ESRRG: variants seen among roughly 807,000 people sequenced by gnomAD.
ESRRG encodes the protein estrogen related receptor gamma.
ESRRG carries 13 observed loss-of-function variants against 44.0 expected under a neutral mutation model. That is an observed-to-expected ratio of 0.30 (90% CI 0.19 to 0.47). The LOEUF (loss-of-function observed/expected upper bound fraction) is 0.47. Ranked by LOEUF, ESRRG falls within the 20% of genes least tolerant of loss-of-function variation. ESRRG has a pLI of 1.00. For synonymous variants in ESRRG, 215 were observed against 214.6 expected, an observed-to-expected ratio of 1.00 and a Z score of -0.02; for missense variants, 395 against 580.6, an observed-to-expected ratio of 0.68 and a Z score of 3.29.
chr1:216,538,612 C>T (rs779229467), intron 5 of ESRRG, among the ~76,000 whole-genome samples: 3 of 151,988 alleles, frequency 2.0e-5, no homozygotes, highest in African/African-American at 7.2e-5. Context: ...AGAGAGAAAA[C>T]GCAGCAAATG....
chr1:216,723,642 G>A (rs2086877769), upstream of ESRRG, among the ~76,000 whole-genome samples: 1 of 152,070 alleles, frequency 6.6e-6, no homozygotes, highest in Admixed American at 6.5e-5. Flanking sequence ...AACTGAGAGT[G>A]GGCAGAGAAA....
intron 2 of ESRRG, among the ~76,000 whole-genome samples, chr1:216,850,812 GA>G (rs2095831346): frequency 6.6e-6 from 1 of 151,880 alleles, no homozygotes; most frequent in Admixed American, 6.6e-5. Context: ...TGAATCTATT[GA>G]TGAATCATTT....
At chr1:216,925,584 G>A (rs1049375105) in intron 2 of ESRRG, among the ~76,000 whole-genome samples, 1 of 152,122 alleles carries the variant, frequency 6.6e-6, no homozygotes, top group Non-Finnish European at 1.5e-5. Context: ...TCTGTTTTTG[G>A]GGGGACAGGG....
intron 1 of ESRRG, among the ~76,000 whole-genome samples, chr1:217,017,552 T>A (rs1196805095): frequency 6.6e-6 from 1 of 150,996 alleles, no homozygotes; most frequent in Admixed American, 6.6e-5. Context: ...TTTTGGATTA[T>A]CCTGTTTAAA....
At chr1:217,093,188 T>C (rs2151553518), upstream of ESRRG, among the ~76,000 whole-genome samples, 1 of 152,330 alleles carries the variant, frequency 6.6e-6, no homozygotes, top group East Asian at 1.9e-4. Flanking sequence ...ATCTTGGAGC[T>C]GCTGCTAGTG....
chr1:217,088,052 A>C (rs79083430), intron 1 of ESRRG, among the ~76,000 whole-genome samples: 2 of 106,700 alleles, frequency 1.9e-5, no homozygotes, highest in East Asian at 5.5e-4. Context: ...CTGGACAGGA[A>C]AAAAAAAAAA....
intron 2 of ESRRG, among the ~76,000 whole-genome samples, chr1:216,841,571 G>T (rs1185683607): frequency 6.6e-6 from 1 of 152,156 alleles, no homozygotes; most frequent in Non-Finnish European, 1.5e-5. Flanking sequence ...ACTTTGGAGA[G>T]CTGTTAAGAA....
rs2084511139 is a variant in ESRRG at position 216,714,979 on chromosome 1, G to A, written c.56+8265C>T. 1.0e-5 allele frequency: 6 copies of A among 588,532 alleles called. No homozygotes were observed. The South Asian group carries it at 4.5e-4, about 44-fold the overall frequency. The allele number at this position is 588,532 out of a possible 1,614,324, so 36.5% of individuals were successfully genotyped here. ...TTCCTGACCCTAGGAAAGAATCTCT[G>A]CCTGAGCTTCTGTGCATAAATTGTC... On this transcript the variant is annotated intron_variant, in intron 1 of 6. Transcript: ENST00000408911.
intron 2 of ESRRG, among the ~76,000 whole-genome samples, chr1:216,783,054 T>C (rs2093990832): frequency 6.6e-6 from 1 of 151,800 alleles, no homozygotes; most frequent in Non-Finnish European, 1.5e-5. Context: ...ACTACAACCT[T>C]ACATTCCCAC....
intron 1 of ESRRG, among the ~76,000 whole-genome samples, chr1:217,109,452 G>T (rs2092636412): frequency 6.6e-6 from 1 of 152,082 alleles, no homozygotes; most frequent in Non-Finnish European, 1.5e-5. Flanking sequence ...ATGACCAAAT[G>T]CATTCCCATG....
intron 2 of ESRRG, among the ~76,000 whole-genome samples, chr1:216,907,539 T>C (rs1289460052): frequency 6.6e-6 from 1 of 152,194 alleles, no homozygotes; most frequent in African/African-American, 2.4e-5. Context: ...TAATCCTGTG[T>C]AATTTTTTAT....
At chr1:216,620,720 G>GA (rs1419373186) in intron 3 of ESRRG, among the ~76,000 whole-genome samples, 5 of 152,056 alleles carry the variant, frequency 3.3e-5, no homozygotes, top group African/African-American at 7.2e-5. Flanking sequence ...TTGACCTAGA[G>GA]AAAAAATATG....
chr1:216,638,650 T>C (rs2065788145), intron 3 of ESRRG, among the ~76,000 whole-genome samples: 1 of 152,218 alleles, frequency 6.6e-6, no homozygotes, highest in Non-Finnish European at 1.5e-5. Context: ...ATCTCTGTAA[T>C]TTTAAGTCTT....
intron 5 of ESRRG, among the ~76,000 whole-genome samples, chr1:216,550,679 C>G (rs143588610): frequency 1.3e-5 from 2 of 152,084 alleles, no homozygotes; most frequent in Admixed American, 1.3e-4. Context: ...ACAACCTTAA[C>G]AATCTTGAGA....
chr1:216,638,294 G>C (rs1053033344), intron 3 of ESRRG, among the ~76,000 whole-genome samples: 1 of 152,094 alleles, frequency 6.6e-6, no homozygotes, highest in African/African-American at 2.4e-5. Context: ...CATTTCATAG[G>C]TAAGGCTTAA....
At chr1:216,522,708 G>T (rs1012985711) in intron 5 of ESRRG, among the ~76,000 whole-genome samples, 1 of 151,866 alleles carries the variant, frequency 6.6e-6, no homozygotes, top group African/African-American at 2.4e-5. Context: ...ACATAAAAAC[G>T]CATGGATAAA....
chr1:216,819,751 G>C (rs1336839170), intron 2 of ESRRG, among the ~76,000 whole-genome samples: 1 of 152,022 alleles, frequency 6.6e-6, no homozygotes. Context: ...TTGTGGACAT[G>C]GTTTGTTAAT....
chr1:216,663,845 T>C (rs2073182400), intron 2 of ESRRG, among the ~76,000 whole-genome samples: 1 of 152,112 alleles, frequency 6.6e-6, no homozygotes, highest in Admixed American at 6.6e-5. Flanking sequence ...ATTTTTAGGA[T>C]CAGTTTAAGA....
chr1:216,519,344 C>T lies in ESRRG; in HGVS notation c.940G>A (p.Val314Ile), dbSNP rs1349900590. The T allele has an allele frequency of 4.3e-6, 7 of 1,613,546 alleles. No homozygotes were observed. The highest frequency in any genetic ancestry group is 1.1e-5 in the South Asian group (1 of 91,066). Residue 314 changes from valine to isoleucine, a missense_variant, in exon 6 of 7, where the codon GTA becomes ATA. Val to Ile is a conservative substitution (Grantham distance 29). This residue lies in a region of ESRRG where 167 missense variants were observed against 251.8 expected (regional missense o/e 0.66). Transcript: ENST00000408911. ...TCCTCAAACGAAAGAGACCGGTATA[C>T]GACACCAAGGATCAAAATTTCCATC... is the stretch of plus-strand genomic sequence containing the variant. Reference protein sequence around the residue: ...AWMEILILGVVYRSLSFEDEL... With the variant: ...AWMEILILGVIYRSLSFEDEL...
Sources: allele counts gnomAD v4.1 joint callset (sites outside exome capture counted in the v4.1 genomes callset), GRCh38; gene constraint gnomAD v4.1.1; regional missense constraint gnomAD v4.1.1; transcripts MANE v1.5; gene names NCBI Gene and HGNC (gene_info 2026-07-23, HGNC 2026-07-21).